CTNNBIP1: variants seen among roughly 807,000 people sequenced by gnomAD.
CTNNBIP1 encodes the protein beta-catenin-interacting protein 1.
Under a neutral mutation model 11.8 loss-of-function variants are expected in CTNNBIP1, and 7 were observed. The observed-to-expected ratio is 0.60, with a 90% CI of 0.34 to 1.12. The LOEUF is 1.12. Ranked by LOEUF, CTNNBIP1 falls within the 50% of genes most tolerant of loss-of-function variation. CTNNBIP1 has a pLI of 0.03. For missense variants in CTNNBIP1, 101 were observed against 113.4 expected, an observed-to-expected ratio of 0.89 and a Z score of 0.50; for synonymous variants, 58 against 43.9, an observed-to-expected ratio of 1.32 and a Z score of -1.26.
In CTNNBIP1 at chr1:9,871,868, G is replaced by A. The variant is rs1453662179; in HGVS notation, c.96+101C>T. 3.9e-6 allele frequency: 4 copies of A among 1,029,452 alleles called. No homozygotes were observed. The highest frequency in any genetic ancestry group is 6.0e-6 in the Non-Finnish European group (4 of 669,920). The allele number at this position is 1,029,452 out of a possible 1,614,324, so 63.8% of individuals were successfully genotyped here. ...CCCCTCCTCAGCCCGTGGCTCCGCA[G>A]GAGGCAGCCGCAGTGGCTCCACCCT... On this transcript the variant is annotated intron_variant, in intron 4 of 5. Coordinates refer to ENST00000377263, the MANE Select transcript of CTNNBIP1 (RefSeq NM_020248.3). The surrounding 1 kb of genome is among the most constrained non-coding windows in gnomAD (Gnocchi z 5.2).
chr1:9,907,247 T>G (rs796422337), intron 1 of CTNNBIP1, among the ~76,000 whole-genome samples: 2 of 152,268 alleles, frequency 1.3e-5, no homozygotes, highest in African/African-American at 4.8e-5. Flanking sequence ...CTTGGCTCAC[T>G]GCAACCTCCA....
At chr1:9,897,147 A>AAAAC (rs1307781265) in intron 1 of CTNNBIP1, among the ~76,000 whole-genome samples, 26 of 152,006 alleles carry the variant, frequency 1.7e-4, no homozygotes, top group Non-Finnish European at 3.5e-4. Context: ...CTCTGTCTCA[A>AAAAC]AAACAAACAA....
Position 9,853,670 on chromosome 1 carries a change from C to G in CTNNBIP1, c.188-2894G>C, listed in dbSNP as rs139656694. 2.9e-3 allele frequency among the ~76,000 whole-genome samples: 447 copies of G among 152,346 alleles called. 2 individuals carry two copies. The highest frequency in any genetic ancestry group is 0.01 in the African/African-American group (429 of 41,570). On this transcript the variant is annotated intron_variant, in intron 5 of 5. Coordinates refer to ENST00000377263, the MANE Select transcript of CTNNBIP1 (RefSeq NM_020248.3). ...TTTACAGATGAAGCTCTGTCTCCCC[C>G]CTTGGTATCTCTGTTGACACTGTCT...
intron 1 of CTNNBIP1, among the ~76,000 whole-genome samples, chr1:9,908,950 G>T (rs1639675404): frequency 6.6e-6 from 1 of 152,210 alleles, no homozygotes; most frequent in African/African-American, 2.4e-5. Flanking sequence ...AGCAAACCGT[G>T]AATGACACAT....
At position 9,871,282 on chromosome 1, in the gene CTNNBIP1, AG is replaced by A. The variant is rs1453883656; in HGVS notation, c.97-6del. On this transcript the variant is annotated splice_region_variant and splice_polypyrimidine_tract_variant and intron_variant, in intron 4 of 5. Coordinates refer to ENST00000377263, the MANE Select transcript of CTNNBIP1 (RefSeq NM_020248.3). The surrounding 1 kb of genome is among the most constrained non-coding windows in gnomAD (Gnocchi z 5.2). ...CTCCTCCTCGCTGGCTGTCAGCTGCAGGGTGAGAGAGCTGTGGTGAGGGGCA... is the reference window on the plus strand; with the variant it reads ...CTCCTCCTCGCTGGCTGTCAGCTGCAGGTGAGAGAGCTGTGGTGAGGGGCA... 1.3e-5 allele frequency: 21 copies of A among 1,559,268 alleles called. No homozygotes were observed. Among genetic ancestry groups the A allele is most frequent in the Middle Eastern group, 3.4e-4 (2 of 5,852 alleles).
At chr1:9,895,038 G>A (rs995365636) in intron 1 of CTNNBIP1, among the ~76,000 whole-genome samples, 3 of 151,788 alleles carry the variant, frequency 2.0e-5, no homozygotes, top group Admixed American at 2.0e-4. Flanking sequence ...CTCCCAAGGA[G>A]CTGGGACTAC....
In CTNNBIP1 at chr1:9,851,931, G is replaced by C. The variant is rs1233032101; in HGVS notation, c.188-1155C>G. On this transcript the variant is annotated intron_variant, in intron 5 of 5. Transcript: ENST00000377263. This position sits in a 1 kb window ranked among gnomAD's most constrained non-coding sequence, Gnocchi z 4.8. ...CTTGACTCCCTGACCCTGTCCTGCT[G>C]CTCTCACCCCCTTTGTAAAAGGCCA... Among the ~76,000 whole-genome samples, 2 of 152,160 alleles carry C rather than the reference G, an allele frequency of 1.3e-5. No individual in the cohort carries two copies. The highest frequency in any genetic ancestry group is 2.9e-5 in the Non-Finnish European group (2 of 68,032).
In CTNNBIP1 at chr1:9,853,884, A is replaced by G. The variant is rs564682620; in HGVS notation, c.188-3108T>C. 8.1e-5 allele frequency among the ~76,000 whole-genome samples: 12 copies of G among 148,250 alleles called. No individual in the cohort carries two copies. The East Asian group carries it at 2.4e-3, about 29-fold the overall frequency. ...GTATCTCACATGAATATAGATGCAA[A>G]CATACCCAACAAAATGCTAGCAAAC... On this transcript the variant is annotated intron_variant, in intron 5 of 5. Transcript: ENST00000377263.
At chr1:9,868,193 C>T (rs7529783) in intron 5 of CTNNBIP1, among the ~76,000 whole-genome samples, 13,001 of 152,192 alleles carry the variant, frequency 0.085, 1,865 homozygotes, top group African/African-American at 0.29. Flanking sequence ...GTCCACAGGG[C>T]GCCCCAGCAG....
At chr1:9,854,498 C>A (rs1469328194) in intron 5 of CTNNBIP1, among the ~76,000 whole-genome samples, 2 of 151,750 alleles carry the variant, frequency 1.3e-5, no homozygotes, top group African/African-American at 4.8e-5. Flanking sequence ...AGATTATGAA[C>A]AAGAAAAGGA....
At chr1:9,880,504 T>C (rs779152249) in intron 2 of CTNNBIP1, among the ~76,000 whole-genome samples, 31 of 152,212 alleles carry the variant, frequency 2.0e-4, no homozygotes, top group Non-Finnish European at 4.1e-4. Context: ...AGTAATGGGA[T>C]TGCTGGGTCA....
rs750324241 is a variant in CTNNBIP1 at position 9,849,687 on chromosome 1, G to C, written c.*1031C>G. Reference sequence around the variant, plus strand: ...GGCCTCAGGAAGTGGTACACAGAAGGATGGCCAAGAGGACAGAGCTGGGTA... The same window carrying C: ...GGCCTCAGGAAGTGGTACACAGAAGCATGGCCAAGAGGACAGAGCTGGGTA... On this transcript the variant is annotated 3_prime_UTR_variant, in exon 6 of 6. Coordinates refer to ENST00000377263, the MANE Select transcript of CTNNBIP1 (RefSeq NM_020248.3). 3 of 152,374 alleles carry C rather than the reference G, an allele frequency of 2.0e-5. No individual in the cohort carries two copies. The highest frequency in any genetic ancestry group is 4.4e-5 in the Non-Finnish European group (3 of 68,136). 9.4% of individuals were successfully genotyped at this position (152,374 alleles called of 1,614,324 possible). A position where few individuals can be genotyped will look rare whatever the true frequency, so the allele number is the denominator to read the frequency against.
Position 9,872,720 on chromosome 1 carries a change from CCACCT to C in CTNNBIP1, c.-24-637_-24-633del, listed in dbSNP as rs2101483017. On this transcript the variant is annotated intron_variant, in intron 3 of 5. Coordinates refer to ENST00000377263, the MANE Select transcript of CTNNBIP1 (RefSeq NM_020248.3). The surrounding 1 kb of genome is among the most constrained non-coding windows in gnomAD (Gnocchi z 4.0). The stretch of plus-strand genomic sequence containing the variant: ...CTACCTCAGCCCTCACAAACCCACC[CCACCT>C]GTCAGAGGGTAGCTCCTGCAGGCAG... 6.6e-6 allele frequency among the ~76,000 whole-genome samples: 1 copy of C among 152,308 alleles called. No homozygotes were observed. Among genetic ancestry groups the C allele is most frequent in the Admixed American group, 6.5e-5 (1 of 15,310 alleles).
At chr1:9,881,421 C>T (rs933616442) in intron 2 of CTNNBIP1, among the ~76,000 whole-genome samples, 5 of 148,800 alleles carry the variant, frequency 3.4e-5, no homozygotes, top group Non-Finnish European at 7.4e-5. Flanking sequence ...CTCACTGCAA[C>T]CTCCGCCTCC....
At chr1:9,861,898 C>T (rs1222774378) in intron 5 of CTNNBIP1, among the ~76,000 whole-genome samples, 2 of 152,194 alleles carry the variant, frequency 1.3e-5, no homozygotes, top group Non-Finnish European at 2.9e-5. Flanking sequence ...AATCTATCCC[C>T]AATCTAACTA....
chr1:9,854,322 C>T (rs1008104067), intron 5 of CTNNBIP1, among the ~76,000 whole-genome samples: 23 of 147,986 alleles, frequency 1.6e-4, no homozygotes, highest in African/African-American at 4.2e-4. Flanking sequence ...GAGCTGAGAT[C>T]GCGCCATTGT....
intron 1 of CTNNBIP1, among the ~76,000 whole-genome samples, chr1:9,891,516 C>T (rs572110539): frequency 2.6e-5 from 4 of 152,296 alleles, no homozygotes; most frequent in African/African-American, 4.8e-5. Flanking sequence ...TCAATTGGAT[C>T]GGCTGCAGGA....
intron 1 of CTNNBIP1, among the ~76,000 whole-genome samples, chr1:9,893,748 T>C (rs1202880457): frequency 1.3e-5 from 2 of 152,112 alleles, no homozygotes; most frequent in Non-Finnish European, 2.9e-5. Flanking sequence ...GAGCACATAA[T>C]GCAATGTTAA....
At chr1:9,891,563 G>C (rs1186671919) in intron 1 of CTNNBIP1, among the ~76,000 whole-genome samples, 1 of 152,124 alleles carries the variant, frequency 6.6e-6, no homozygotes, top group Admixed American at 6.6e-5. Flanking sequence ...TCACCACCCG[G>C]CTCTGGGGAT....
Sources: allele counts gnomAD v4.1 joint callset (sites outside exome capture counted in the v4.1 genomes callset), GRCh38; gene constraint gnomAD v4.1.1; non-coding constraint Gnocchi (gnomAD v3.1); transcripts MANE v1.5; gene names NCBI Gene and HGNC (gene_info 2026-07-23, HGNC 2026-07-21).